Variants in RBKS observed in about 807,000 individuals in gnomAD.
RBKS encodes ribokinase.
In RBKS, 33 loss-of-function variants were observed where a neutral mutation model predicts 33.9. The ratio of observed to expected loss-of-function variants is 0.97; its 90% CI spans 0.74 to 1.30. RBKS has a LOEUF of 1.30. Ranked by LOEUF, RBKS falls within the 50% of genes most tolerant of loss-of-function variation. The probability of loss-of-function intolerance (pLI) is 0.00; values close to 1 mark genes in which losing one functional copy is unlikely to be tolerated. For synonymous variants in RBKS, 125 were observed against 143.0 expected (o/e 0.87, Z 0.90); for missense variants, 361 against 392.6 (o/e 0.92, Z 0.68).
chr2:27,835,434 C>A (rs1313670258), intron 5 of RBKS, among the ~76,000 whole-genome samples: 1 of 142,048 alleles, frequency 7.0e-6, no homozygotes, highest in East Asian at 2.1e-4. Flanking sequence ...CACCCCACCC[C>A]CCCTTTTCTG....
At chr2:27,864,436 C>T (rs1362161216) in intron 1 of RBKS, among the ~76,000 whole-genome samples, 3 of 152,304 alleles carry the variant, frequency 2.0e-5, no homozygotes, top group African/African-American at 7.2e-5. Context: ...TTCACAATGT[C>T]ATATCCTTGA....
At chr2:27,840,362 GCGCA>G (rs1234951774) in intron 5 of RBKS, among the ~76,000 whole-genome samples, 84 of 90,106 alleles carry the variant, frequency 9.3e-4, no homozygotes, top group African/African-American at 2.6e-3. Flanking sequence ...ACACGCGCGC[GCGCA>G]CACACACACA....
At position 27,815,214 on chromosome 2, in the gene RBKS, C is replaced by A. The variant is rs184921935; in HGVS notation, c.795+12353G>T. On this transcript the variant is annotated intron_variant, in intron 7 of 7. Coordinates refer to ENST00000302188, the MANE Select transcript of RBKS (RefSeq NM_022128.3). ...GTTTGGCTCTAGGTGGTTTTTTTTCCCCCCTCTTTTTGAGACAGGGTCTCA... is the reference window on the plus strand; with the variant it reads ...GTTTGGCTCTAGGTGGTTTTTTTTCACCCCTCTTTTTGAGACAGGGTCTCA... Among the ~76,000 whole-genome samples the A allele has an allele frequency of 6.1e-3, 920 of 151,690 alleles. 5 individuals are homozygous for A. Among genetic ancestry groups the A allele is most frequent in the Non-Finnish European group, 7.4e-3 (503 of 67,868 alleles).
intron 7 of RBKS, among the ~76,000 whole-genome samples, chr2:27,783,975 CTTTTTTT>C (rs1161206494): frequency 1.8e-5 from 1 of 55,312 alleles, no homozygotes; most frequent in Non-Finnish European, 3.6e-5. Context: ...GGGTCATTTT[CTTTTTTT>C]TTTTTTTTTT....
intron 2 of RBKS, 129 bp downstream of exon 2, chr2:27,858,310 G>A (rs1663900138): frequency 5.1e-6 from 4 of 786,412 alleles, no homozygotes; most frequent in Admixed American, 6.2e-5. Context: ...TGTATTAAAT[G>A]CCACTCTATG....
intron 7 of RBKS, among the ~76,000 whole-genome samples, chr2:27,783,922 A>G (rs1450740172): frequency 1.4e-5 from 2 of 145,056 alleles, no homozygotes; most frequent in Admixed American, 1.4e-4. Context: ...AAAAAAAAGA[A>G]AAAAAAAAAA....
chr2:27,835,584 ATTTTTTTTT>A (rs34787188), intron 5 of RBKS, among the ~76,000 whole-genome samples: 2 of 125,588 alleles, frequency 1.6e-5, no homozygotes, highest in Non-Finnish European at 3.4e-5. Flanking sequence ...TGCTTGGGCA[ATTTTTTTTT>A]TTTTTTTTTT....
At chr2:27,840,431 C>T (rs897259524) in intron 5 of RBKS, among the ~76,000 whole-genome samples, 6 of 151,356 alleles carry the variant, frequency 4.0e-5, no homozygotes, top group Admixed American at 2.0e-4. Flanking sequence ...TGCATCTGGC[C>T]GGTATCTACC....
chr2:27,804,360 A>G (rs910175409), intron 7 of RBKS, among the ~76,000 whole-genome samples: 2 of 152,192 alleles, frequency 1.3e-5, no homozygotes, highest in African/African-American at 4.8e-5. Context: ...ATACTCATTA[A>G]CAGTCACTCC....
intron 1 of RBKS, chr2:27,861,672 G>A (rs191749638): frequency 7.1e-6 from 3 of 423,024 alleles, no homozygotes; most frequent in African/African-American, 2.1e-5. Context: ...TTGGGGGGGG[G>A]GTGGAGTCTC....
In RBKS at chr2:27,795,452, C is replaced by G. The variant is rs1677648694; in HGVS notation, c.796-13664G>C. Among the ~76,000 whole-genome samples, 1 of 152,182 alleles carries G rather than the reference C, an allele frequency of 6.6e-6. No individual in the cohort carries two copies. The highest frequency in any genetic ancestry group is 1.5e-5 in the Non-Finnish European group (1 of 68,028). On this transcript the variant is annotated intron_variant, in intron 7 of 7. Transcript: ENST00000302188. This position sits in a 1 kb window ranked among gnomAD's most constrained non-coding sequence, Gnocchi z 4.1. Reference sequence around the variant, plus strand: ...AAAGGGGCAGAAAAGGCCTTGTACTCTTTACAGAGGAGTGGAAGGGTAAGG... The same window carrying G: ...AAAGGGGCAGAAAAGGCCTTGTACTGTTTACAGAGGAGTGGAAGGGTAAGG...
chr2:27,875,544 C>A (rs980018538), intron 1 of RBKS, among the ~76,000 whole-genome samples: 6 of 152,150 alleles, frequency 3.9e-5, no homozygotes, highest in Non-Finnish European at 8.8e-5. Context: ...CAGAACTAGA[C>A]CTTGACTCAA....
chr2:27,844,340 A>G (rs1297011088), intron 4 of RBKS, among the ~76,000 whole-genome samples: 1 of 151,990 alleles, frequency 6.6e-6, no homozygotes, highest in Non-Finnish European at 1.5e-5. Context: ...TTTCAAAGAT[A>G]GTACAAAGGA....
At chr2:27,817,783 T>G (rs997841603) in intron 7 of RBKS, among the ~76,000 whole-genome samples, 8 of 152,132 alleles carry the variant, frequency 5.3e-5, no homozygotes, top group African/African-American at 1.7e-4. Context: ...AGGCCCATCT[T>G]CCATGGCTGC....
chr2:27,849,588 AAAAAG>A (rs1480659309), intron 2 of RBKS, among the ~76,000 whole-genome samples: 3 of 129,476 alleles, frequency 2.3e-5, no homozygotes, highest in African/African-American at 1.1e-4. Context: ...AAAAAAAAAG[AAAAAG>A]AAAAAAAGAA....
intron 4 of RBKS, among the ~76,000 whole-genome samples, 191 bp from the exon 5 acceptor site, chr2:27,843,422 A>G (rs1266854802): frequency 2.0e-5 from 3 of 152,236 alleles, no homozygotes; most frequent in African/African-American, 7.2e-5. Context: ...TATCTCTGTA[A>G]GATGCACATT....
chr2:27,805,931 TC>T (rs553957879), intron 7 of RBKS, among the ~76,000 whole-genome samples: 78 of 143,178 alleles, frequency 5.4e-4, no homozygotes, highest in African/African-American at 1.9e-3. Flanking sequence ...TCACTCTGTT[TC>T]CCAGGCTGGA....
intron 1 of RBKS, among the ~76,000 whole-genome samples, chr2:27,877,178 A>C (rs1664329518): frequency 6.6e-6 from 1 of 152,156 alleles, no homozygotes; most frequent in African/African-American, 2.4e-5. Flanking sequence ...AATGAACTCA[A>C]GTTTCTTTGC....
intron 2 of RBKS, among the ~76,000 whole-genome samples, chr2:27,849,246 A>G (rs574006553): frequency 6.6e-6 from 1 of 151,924 alleles, no homozygotes; most frequent in Non-Finnish European, 1.5e-5. Context: ...TTGGGTGTCT[A>G]TTGTCTGTTA....
Sources: gnomAD v4.1 joint callset for allele counts (sites outside exome capture counted in the v4.1 genomes callset) on GRCh38, gnomAD v4.1.1 for gene constraint, Gnocchi (gnomAD v3.1) non-coding constraint, MANE v1.5 for transcripts, NCBI Gene and HGNC (gene_info 2026-07-23, HGNC 2026-07-21) for gene names.